The following LBHD1 variants were observed in gnomAD, a reference collection of about 807,000 sequenced individuals.
The protein encoded by LBHD1 is LBH domain containing 1.
Under a neutral mutation model 31.1 loss-of-function variants are expected in LBHD1, and 28 were observed. The ratio of observed to expected loss-of-function variants is 0.90; its 90% confidence interval spans 0.67 to 1.24. The LOEUF is 1.24. LBHD1 is among the 50% of genes most tolerant of loss of function. The pLI is 0.00. For missense variants in LBHD1, 350 were observed against 323.0 expected (o/e 1.08, Z -0.64); for synonymous variants, 105 against 116.5 (o/e 0.90, Z 0.63).
At chr11:62,665,780 C>T in intron 4 of LBHD1, 2 of 1,540,718 alleles carry the variant, frequency 1.3e-6, no homozygotes, top group East Asian at 2.3e-5. Flanking sequence ...TTTCGCTACG[C>T]GGAATTTGCA....
rs1788250476 is a variant in LBHD1 at position 62,667,571 on chromosome 11, T to A, written c.490A>T (p.Ser164Cys). 15 of 1,614,018 alleles carry A rather than the reference T, an allele frequency of 9.3e-6. No homozygotes were observed. Among genetic ancestry groups the A allele is most frequent in the Admixed American group, 1.7e-5 (1 of 59,988 alleles). ...AGATGGGAATATTCCACAAAGCCAC[T>A]TCTACAAACACGGGAGCCTGTTGAG... ...WDSTGSRVCR[S>C]GFVEYSHLLP... The change falls in exon 4 of 7, where the codon AGT (serine) becomes TGT (cysteine). Residue 164 changes from serine to cysteine, a missense_variant. Coordinates refer to ENST00000354588, the MANE Select transcript of LBHD1 (RefSeq NM_024099.5).
At position 62,672,080 on chromosome 11, in the gene LBHD1, G is replaced by A. The variant is rs1447287254; in HGVS notation, c.-527C>T. The A allele has an allele frequency of 1.3e-6, 2 of 1,598,800 alleles. No homozygotes were observed. Among genetic ancestry groups the A allele is most frequent in the East Asian group, 2.3e-5 (1 of 44,354 alleles). ...GCCTGGAGGAAGAACTGGATGGTTG[G>A]CGGCGAAGGCGGCGCCGGCGGGAGG... On this transcript the variant is annotated 5_prime_UTR_variant, in exon 1 of 7. Coordinates refer to ENST00000354588, the MANE Select transcript of LBHD1 (RefSeq NM_024099.5).
Position 62,663,342 on chromosome 11 carries a change from TAAGTGGAAATA to T in LBHD1, c.664-20_664-10del. On this transcript the variant is annotated splice_polypyrimidine_tract_variant and intron_variant, in intron 5 of 6. Coordinates refer to ENST00000354588, the MANE Select transcript of LBHD1 (RefSeq NM_024099.5). ...TGGCACGTGCACTGGACCTGATGGG[TAAGTGGAAATA>T]AAGAGAGCTAGGTTAACCTGAACCA... 3.1e-6 allele frequency: 5 copies of T among 1,611,990 alleles called. No homozygotes were observed. The highest frequency in any genetic ancestry group is 4.2e-6 in the Non-Finnish European group (5 of 1,179,046).
intron 4 of LBHD1, chr11:62,666,250 C>A (rs771768581): frequency 3.0e-5 from 26 of 853,326 alleles, no homozygotes; most frequent in Non-Finnish European, 4.9e-5. Flanking sequence ...GTGGAGGCTT[C>A]AGTGAGCCAT....
Position 62,664,987 on chromosome 11 carries a change from A to G in LBHD1, c.539-14T>C. The G allele has an allele frequency of 6.2e-7, 1 of 1,609,196 alleles. No individual in the cohort carries two copies. ...CTTCTTCAGCTCCTGCCGGGGAGAA[A>G]GATGCGAATCAGATGGAGTGGGCTC... On this transcript the variant is annotated splice_polypyrimidine_tract_variant and intron_variant, in intron 4 of 6. Transcript: ENST00000354588.
chr11:62,665,109 G>C, intron 4 of LBHD1, 136 bp from the exon 5 acceptor site: 1 of 1,327,706 alleles, frequency 7.5e-7, no homozygotes, highest in Non-Finnish European at 1.0e-6. Context: ...AGGAAACAAA[G>C]TCGCGGCCCC....
chr11:62,667,267 C>T (rs377120219), intron 4 of LBHD1: 89 of 637,766 alleles, frequency 1.4e-4, no homozygotes, highest in Non-Finnish European at 1.7e-4. Context: ...CAATGATGTG[C>T]GCAATATTTA....
chr11:62,672,152 G>C lies in LBHD1; in HGVS notation c.-599C>G, dbSNP rs1477827789. On this transcript the variant is annotated 5_prime_UTR_variant, in exon 1 of 7. Transcript: ENST00000354588. ...CTCCGTGGGCGCCGGACCTTGGCTTGGGCGCAGGAATCCGAGGCAGCCTTT... is the reference window on the plus strand; with the variant it reads ...CTCCGTGGGCGCCGGACCTTGGCTTCGGCGCAGGAATCCGAGGCAGCCTTT... 4.5e-6 allele frequency: 7 copies of C among 1,540,138 alleles called. No individual in the cohort carries two copies. Among genetic ancestry groups the C allele is most frequent in the East Asian group, 2.4e-5 (1 of 41,220 alleles).
In LBHD1 at chr11:62,671,915, G is replaced by A. The variant is rs756206154; in HGVS notation, c.-362C>T. On this transcript the variant is annotated 5_prime_UTR_variant, in exon 1 of 7. Transcript: ENST00000354588. ...GAAGGGTGGGCGGGTGGAGAGCCCC[G>A]GACTGGAGCTCCTGCGAACTCCCCT... 7.4e-6 allele frequency: 12 copies of A among 1,613,090 alleles called. No individual in the cohort carries two copies. The Admixed American group carries it at 8.3e-5, about 11-fold the overall frequency.
rs181805126 is a variant in LBHD1 at position 62,663,618 on chromosome 11, C to G, written c.664-285G>C. On this transcript the variant is annotated intron_variant, in intron 5 of 6. Transcript: ENST00000354588. The stretch of plus-strand genomic sequence containing the variant: ...CTGCGGCAGGAGAATGGCGTGAACC[C>G]AGAAGGCGGAGCTTGCAGTGAGCCG... Among the ~76,000 whole-genome samples, 8 of 149,416 alleles carry G rather than the reference C, an allele frequency of 5.4e-5. No individual in the cohort carries two copies. In the East Asian group the frequency reaches 1.6e-3, roughly 29 times the overall value.
At position 62,664,843 on chromosome 11, in the gene LBHD1, A is replaced by C. The variant is rs1218264804; in HGVS notation, c.663+6T>G. 6.4e-6 allele frequency: 10 copies of C among 1,561,986 alleles called. No homozygotes were observed. The highest frequency in any genetic ancestry group is 1.4e-5 in the African/African-American group (1 of 73,482). ...ACGACCAACAGGAAGAGGGTCTAGTACTTACGCCCGCTTCTTGAGGTGGTG... is the reference window on the plus strand; with the variant it reads ...ACGACCAACAGGAAGAGGGTCTAGTCCTTACGCCCGCTTCTTGAGGTGGTG... On this transcript the variant is annotated splice_donor_region_variant and intron_variant, in intron 5 of 6. Transcript: ENST00000354588.
intron 4 of LBHD1, chr11:62,665,635 A>T: frequency 1.3e-6 from 2 of 1,522,642 alleles, no homozygotes; most frequent in Non-Finnish European, 1.8e-6. Flanking sequence ...ACACTTTCTC[A>T]TTTGATTTCA....
intron 4 of LBHD1, chr11:62,666,599 A>C (rs1944819991): frequency 6.2e-7 from 1 of 1,614,016 alleles, no homozygotes; most frequent in African/African-American, 1.3e-5. Context: ...CAGCCTATGT[A>C]CAGGCCTCTA....
intron 4 of LBHD1, chr11:62,665,182 A>AC: frequency 1.2e-6 from 1 of 813,892 alleles, no homozygotes; most frequent in Non-Finnish European, 2.1e-6. Context: ...TCGCGATTCC[A>AC]CTCCAGTTCA....
chr11:62,672,239 C>A lies in LBHD1; in HGVS notation c.-686G>T. ...TACCATGCCAGGACTCTCCGGGGTC[C>A]TGTGAGCTGCCGTCGGGTGAGCACG... is the stretch of plus-strand genomic sequence containing the variant. On this transcript the variant is annotated 5_prime_UTR_variant, in exon 1 of 7. It adds an upstream start codon to the 5' untranslated region. Transcript: ENST00000354588. 1.0e-6 allele frequency: 1 copy of A among 1,000,754 alleles called. No individual in the cohort carries two copies. The highest frequency in any genetic ancestry group is 1.4e-6 in the Non-Finnish European group (1 of 691,162). 62.0% of individuals were successfully genotyped at this position (1,000,754 alleles called of 1,614,324 possible). A position where few individuals can be genotyped will look rare whatever the true frequency, so the allele number is the denominator to read the frequency against.
rs747688513 is a variant in LBHD1, at chr11:62,671,729, T to C, written c.-176A>G. 7 of 1,612,208 alleles carry C rather than the reference T, an allele frequency of 4.3e-6. No homozygotes were observed. Among genetic ancestry groups the C allele is most frequent in the Non-Finnish European group, 5.9e-6 (7 of 1,179,246 alleles). Reference sequence around the variant, plus strand: ...CGGGGAGCTCCCGTGGGCGCTCCGCTGGCTGTGCAGGCGGCCATGGATTCC... The same window carrying C: ...CGGGGAGCTCCCGTGGGCGCTCCGCCGGCTGTGCAGGCGGCCATGGATTCC... On this transcript the variant is annotated 5_prime_UTR_variant, in exon 1 of 7. Coordinates refer to ENST00000354588, the MANE Select transcript of LBHD1 (RefSeq NM_024099.5).
In LBHD1 at chr11:62,663,216, C is replaced by G. The variant is rs1944700386; in HGVS notation, c.761+20G>C. The G allele has an allele frequency of 6.2e-7, 1 of 1,613,828 alleles. No homozygotes were observed. Among genetic ancestry groups the G allele is most frequent in the Non-Finnish European group, 8.5e-7 (1 of 1,179,900 alleles). On this transcript the variant is annotated intron_variant, in intron 6 of 6. Coordinates refer to ENST00000354588, the MANE Select transcript of LBHD1 (RefSeq NM_024099.5). ...AAATAAATCCAGGATTCCCCTCACC[C>G]ACCTCTGTCCCAGCCTCACCTTCCA...
chr11:62,670,037 T>A lies in LBHD1; in HGVS notation c.-6A>T, dbSNP rs370162515. The A allele has an allele frequency of 6.2e-5, 99 of 1,606,580 alleles. No individual in the cohort carries two copies. In the African/African-American group the frequency reaches 1.0e-3, roughly 16 times the overall value. On this transcript the variant is annotated 5_prime_UTR_variant, in exon 2 of 7. Coordinates refer to ENST00000354588, the MANE Select transcript of LBHD1 (RefSeq NM_024099.5). ...CTCCCTGGCACAAGGGCCATGGTGG[T>A]GATTCTTAGAGTGCAAGATGATTGA...
rs1267048664 is a variant in LBHD1, at chr11:62,671,867, T to C, written c.-314A>G. ...CGGCGGAAGCAGGAAATGCTAAAGG[T>C]AGAAGCAACTGGTAGTCCCGAGGAA... On this transcript the variant is annotated 5_prime_UTR_variant, in exon 1 of 7. Coordinates refer to ENST00000354588, the MANE Select transcript of LBHD1 (RefSeq NM_024099.5). 1.9e-6 allele frequency: 3 copies of C among 1,613,656 alleles called. No individual in the cohort carries two copies. The highest frequency in any genetic ancestry group is 2.5e-6 in the Non-Finnish European group (3 of 1,179,946).
Sources: gnomAD v4.1 joint callset for allele counts (sites outside exome capture counted in the v4.1 genomes callset) on GRCh38, gnomAD v4.1.1 for gene constraint, MANE v1.5 for transcripts, NCBI Gene and HGNC (gene_info 2026-07-23, HGNC 2026-07-21) for gene names.